Variants in CARS1 observed in about 807,000 individuals in gnomAD.
CARS1 encodes the protein cysteine--tRNA ligase, cytoplasmic.
A neutral mutation model predicts 106.2 loss-of-function variants in CARS1; 48 were observed. The ratio of observed to expected loss-of-function variants is 0.45; its 90% CI spans 0.36 to 0.57. CARS1 has a LOEUF of 0.57. CARS1 is among the 20% of genes least tolerant of loss of function. The pLI is 0.00. For synonymous variants in CARS1, 409 were observed against 403.4 expected, an observed-to-expected ratio of 1.01 and a Z score of -0.17; for missense variants, 968 against 1,057.2, an observed-to-expected ratio of 0.92 and a Z score of 1.17.
rs1852501484 is a variant in CARS1, at chr11:3,029,602, A to G, written c.802-159T>C. 7 of 695,170 alleles carry G rather than the reference A, an allele frequency of 1.0e-5. No individual in the cohort carries two copies. The highest frequency in any genetic ancestry group is 1.6e-5 in the Non-Finnish European group (7 of 425,390). The allele number at this position is 695,170 out of a possible 1,614,324, so 43.1% of individuals were successfully genotyped here. A position where few individuals can be genotyped will look rare whatever the true frequency, so the allele number is the denominator to read the frequency against. ...CTAGGGAGACTGTGATGCTTACACA[A>G]CTGGCTCGGCAGGGACAAATACAAG... On this transcript the variant is annotated intron_variant, in intron 7 of 22. Coordinates refer to ENST00000380525, the MANE Select transcript of CARS1 (RefSeq NM_001014437.3). This position sits in a 1 kb window ranked among gnomAD's most constrained non-coding sequence, Gnocchi z 5.9.
At chr11:3,056,308 G>T (rs1466924716) in intron 1 of CARS1, among the ~76,000 whole-genome samples, 1 of 152,222 alleles carries the variant, frequency 6.6e-6, no homozygotes, top group Non-Finnish European at 1.5e-5. Context: ...CCAGCCAAAA[G>T]AATTAAAAAC....
rs199638803 is a variant in CARS1 at position 3,039,275 on chromosome 11, C to T, written c.570G>A (p.Arg190=). The T allele has an allele frequency of 3.6e-5, 58 of 1,612,680 alleles. No homozygotes were observed. In the East Asian group the frequency reaches 1.3e-3, roughly 35 times the overall value. Reference sequence around the variant, plus strand: ...GATACTGCTCGAACAGGTGGTTCTGCCGGGCCCTCTTGATGATCTGGGGAG... The same window carrying T: ...GATACTGCTCGAACAGGTGGTTCTGTCGGGCCCTCTTGATGATCTGGGGAG... ...DIDDKIIKRA[R]QNHLFEQYRE... is the part of the protein sequence containing the mutation. Residue 190 remains arginine (R), a synonymous_variant, in exon 6 of 23, where the codon CGG becomes CGA. Coordinates refer to ENST00000380525, the MANE Select transcript of CARS1 (RefSeq NM_001014437.3). The surrounding 1 kb of genome is among the most constrained non-coding windows in gnomAD (Gnocchi z 5.6).
chr11:3,042,005 A>G (rs1454700805), intron 3 of CARS1, among the ~76,000 whole-genome samples, 160 bp downstream of exon 3: 2 of 152,174 alleles, frequency 1.3e-5, no homozygotes, highest in Non-Finnish European at 2.9e-5. Context: ...CACAGAGACT[A>G]TAACATGGAA....
rs1284968540 is a variant in CARS1, at chr11:3,044,589, G to A, written c.275-2333C>T. Among the ~76,000 whole-genome samples, 2 of 152,146 alleles carry A rather than the reference G, an allele frequency of 1.3e-5. No homozygotes were observed. Among genetic ancestry groups the A allele is most frequent in the African/African-American group, 4.8e-5 (2 of 41,432 alleles). On this transcript the variant is annotated intron_variant, in intron 2 of 22. Transcript: ENST00000380525. This position sits in a 1 kb window ranked among gnomAD's most constrained non-coding sequence, Gnocchi z 4.4. ...TTTTTGTATCTTTAGTAGGGATGGG[G>A]TTTCACCATATTGGCCAGGCTGGTC...
rs1183306703 is a variant in CARS1, at chr11:3,048,190, CCTGACAGGTATGGA to C, written c.26-203_26-190del. On this transcript the variant is annotated intron_variant, in intron 1 of 22. Transcript: ENST00000380525. The surrounding 1 kb of genome is among the most constrained non-coding windows in gnomAD (Gnocchi z 5.1). ...TCGACTGGGGGCGAGGGAGTGACTG[CCTGACAGGTATGGA>C]TGGGTTCCCTCTTGGGTGATGAAAA... 6.6e-6 allele frequency among the ~76,000 whole-genome samples: 1 copy of C among 152,164 alleles called. No homozygotes were observed. The highest frequency in any genetic ancestry group is 1.5e-5 in the Non-Finnish European group (1 of 68,018).
Position 3,039,123 on chromosome 11 carries a change from C to T in CARS1, c.651+71G>A, listed in dbSNP as rs1854072758. 1 of 937,874 alleles carries T rather than the reference C, an allele frequency of 1.1e-6. No homozygotes were observed. The highest frequency in any genetic ancestry group is 1.7e-6 in the Non-Finnish European group (1 of 576,752). 58.1% of individuals were successfully genotyped at this position (937,874 alleles called of 1,614,324 possible). A position where few individuals can be genotyped will look rare whatever the true frequency, so the allele number is the denominator to read the frequency against. ...TGTGAGACTGACACTACCCTAGGGA[C>T]AGTAGCCTACAAAGGACCGAGAACA... On this transcript the variant is annotated intron_variant, in intron 6 of 22. Coordinates refer to ENST00000380525, the MANE Select transcript of CARS1 (RefSeq NM_001014437.3). The surrounding 1 kb of genome is among the most constrained non-coding windows in gnomAD (Gnocchi z 5.6).
Position 3,042,582 on chromosome 11 carries a change from A to G in CARS1, c.275-326T>C, listed in dbSNP as rs1259351610. Among the ~76,000 whole-genome samples, 5 of 152,322 alleles carry G rather than the reference A, an allele frequency of 3.3e-5. No individual in the cohort carries two copies. In the South Asian group the frequency reaches 8.3e-4, roughly 25 times the overall value. On this transcript the variant is annotated intron_variant, in intron 2 of 22. Transcript: ENST00000380525. ...GGCAGCATACCCCAATAACACCCTT[A>G]GAGCCCCAGGAGGGCGGAGGAATGC...
At chr11:3,007,882 C>T (rs1292031025) in intron 18 of CARS1, 1 of 152,300 alleles carries the variant, frequency 6.6e-6, no homozygotes, top group Non-Finnish European at 1.5e-5. Context: ...GCACAACGCC[C>T]AGGTAGAGAA....
In CARS1 at chr11:3,045,945, A is replaced by G. The variant is rs141124257; in HGVS notation, c.274+1808T>C. 2.3e-3 allele frequency among the ~76,000 whole-genome samples: 352 copies of G among 152,032 alleles called. 3 individuals are homozygous for G. Among genetic ancestry groups the G allele is most frequent in the African/African-American group, 8.1e-3 (335 of 41,450 alleles). ...TCACTGGATGCTCTAGCAGTCCCAG[A>G]CTCCAGCTCCCACCTCCCCCTTCAG... On this transcript the variant is annotated intron_variant, in intron 2 of 22. Transcript: ENST00000380525. The surrounding 1 kb of genome is among the most constrained non-coding windows in gnomAD (Gnocchi z 5.6).
In CARS1 at chr11:3,001,068, G is replaced by A. The variant is rs745848772; in HGVS notation, c.*46C>T. 1.5e-5 allele frequency: 24 copies of A among 1,603,658 alleles called. No homozygotes were observed. The South Asian group carries it at 2.4e-4, about 16-fold the overall frequency. ...TGGGACATTGTCACTGAGGCAGACAGCAGCCACTAGTCCACAATGGTTTAA... is the reference window on the plus strand; with the variant it reads ...TGGGACATTGTCACTGAGGCAGACAACAGCCACTAGTCCACAATGGTTTAA... On this transcript the variant is annotated 3_prime_UTR_variant, in exon 23 of 23. Coordinates refer to ENST00000380525, the MANE Select transcript of CARS1 (RefSeq NM_001014437.3).
At position 3,024,428 on chromosome 11, in the gene CARS1, CTTTT is replaced by C. The variant is rs1266229359; in HGVS notation, c.1153+2244_1153+2247del. Among the ~76,000 whole-genome samples, 958 of 151,956 alleles carry C rather than the reference CTTTT, an allele frequency of 6.3e-3. 9 individuals carry two copies. The highest frequency in any genetic ancestry group is 0.022 in the African/African-American group (901 of 41,390). ...ACGTCCGTCCTGTCAGTGTTGGTAT[CTTTT>C]TTATTTTAAAAAAAAAATTTTTTTA... On this transcript the variant is annotated intron_variant, in intron 10 of 22. Transcript: ENST00000380525.
rs548347169 is a variant in CARS1, at chr11:3,005,452, G to A, written c.2150-19C>T. Reference sequence around the variant, plus strand: ...GGCAGTCCTGCAAAATAAACTGCGTGTGAGAAGAGTCTGGGCTCTGTGGGC... The same window carrying A: ...GGCAGTCCTGCAAAATAAACTGCGTATGAGAAGAGTCTGGGCTCTGTGGGC... On this transcript the variant is annotated intron_variant, in intron 19 of 22. Transcript: ENST00000380525. 1.6e-5 allele frequency: 25 copies of A among 1,606,250 alleles called. No homozygotes were observed. Among genetic ancestry groups the A allele is most frequent in the South Asian group, 7.7e-5 (7 of 90,846 alleles).
chr11:3,011,332 G>C (rs952994466), intron 18 of CARS1, among the ~76,000 whole-genome samples: 4 of 152,258 alleles, frequency 2.6e-5, no homozygotes, highest in Non-Finnish European at 4.4e-5. Context: ...ATGGCCAGGC[G>C]CGGTGGCTCA....
chr11:3,011,166 T>A (rs954029165), intron 18 of CARS1, among the ~76,000 whole-genome samples: 2 of 152,226 alleles, frequency 1.3e-5, no homozygotes, highest in Non-Finnish European at 2.9e-5. Context: ...ACTCACCAAT[T>A]CAGAACCACT....
At chr11:3,013,135 G>A (rs1388928788) in intron 17 of CARS1, among the ~76,000 whole-genome samples, 3 of 150,834 alleles carry the variant, frequency 2.0e-5, no homozygotes, top group East Asian at 3.9e-4. Flanking sequence ...TGATCTGCCC[G>A]CCTTGGCCTC....
Position 3,038,870 on chromosome 11 carries a change from G to A in CARS1, c.651+324C>T, listed in dbSNP as rs1854036449. On this transcript the variant is annotated intron_variant, in intron 6 of 22. Coordinates refer to ENST00000380525, the MANE Select transcript of CARS1 (RefSeq NM_001014437.3). The surrounding 1 kb of genome is among the most constrained non-coding windows in gnomAD (Gnocchi z 4.0). ...AAGTTTCTGATTTAGTTGTAACCTT[G>A]GCATTGAAAATTAGACAGCAATATT... Among the ~76,000 whole-genome samples, 1 of 152,134 alleles carries A rather than the reference G, an allele frequency of 6.6e-6. No homozygotes were observed. Among genetic ancestry groups the A allele is most frequent in the South Asian group, 2.1e-4 (1 of 4,830 alleles).
chr11:3,011,612 TCAAA>T (rs1033010782), intron 18 of CARS1, among the ~76,000 whole-genome samples: 11 of 151,988 alleles, frequency 7.2e-5, no homozygotes, highest in Non-Finnish European at 1.5e-4. Context: ...AGACTCCATC[TCAAA>T]CAAACAAACA....
rs879341217 is a variant in CARS1 at position 3,048,837 on chromosome 11, T to TGGCCCCA, written c.26-843_26-837dup. On this transcript the variant is annotated intron_variant, in intron 1 of 22. Coordinates refer to ENST00000380525, the MANE Select transcript of CARS1 (RefSeq NM_001014437.3). This position sits in a 1 kb window ranked among gnomAD's most constrained non-coding sequence, Gnocchi z 5.1. ...CCAGCCTCACCTGGCCCCTGGCCCC[T>TGGCCCCA]GGCCCCAGGCCCCAGCCTCCCTCCT... Among the ~76,000 whole-genome samples the TGGCCCCA allele has an allele frequency of 1.7e-4, 26 of 152,188 alleles. No individual in the cohort carries two copies. Among genetic ancestry groups the TGGCCCCA allele is most frequent in the Non-Finnish European group, 3.2e-4 (22 of 68,024 alleles).
Position 3,029,135 on chromosome 11 carries a change from G to T in CARS1, c.943-51C>A. ...GGATTTTCCCTTCTGAAAACCACGC[G>T]CTCCATAAAAACGTTCCCAATTCAT... On this transcript the variant is annotated intron_variant, in intron 8 of 22. Coordinates refer to ENST00000380525, the MANE Select transcript of CARS1 (RefSeq NM_001014437.3). The surrounding 1 kb of genome is among the most constrained non-coding windows in gnomAD (Gnocchi z 5.9). The T allele has an allele frequency of 6.8e-7, 1 of 1,480,548 alleles. No individual in the cohort carries two copies. Among genetic ancestry groups the T allele is most frequent in the Non-Finnish European group, 9.4e-7 (1 of 1,059,180 alleles). The allele number at this position is 1,480,548 out of a possible 1,614,324, so 91.7% of individuals were successfully genotyped here.
Sources: gnomAD v4.1 joint callset for allele counts (sites outside exome capture counted in the v4.1 genomes callset) on GRCh38, gnomAD v4.1.1 for gene constraint, Gnocchi (gnomAD v3.1) non-coding constraint, MANE v1.5 for transcripts, NCBI Gene and HGNC (gene_info 2026-07-23, HGNC 2026-07-21) for gene names.